Variants in CATSPERE observed in about 807,000 individuals in gnomAD.
CATSPERE encodes the protein cation channel sperm-associated auxiliary subunit epsilon.
In CATSPERE, 93 loss-of-function variants were observed where a neutral mutation model predicts 114.1. The observed-to-expected ratio is 0.81, with a 90% CI of 0.69 to 0.97. CATSPERE has a LOEUF of 0.97. Ranked by LOEUF, CATSPERE falls within the 50% of genes least tolerant of loss-of-function variation. The probability of loss-of-function intolerance (pLI) is 0.00; values close to 1 mark genes in which losing one functional copy is unlikely to be tolerated. For synonymous variants in CATSPERE, 341 were observed against 384.1 expected (o/e 0.89, Z 1.31); for missense variants, 1,058 against 1,131.6 (o/e 0.93, Z 0.93).
intron 6 of CATSPERE, among the ~76,000 whole-genome samples, chr1:244,490,962 C>G (rs181203047): frequency 1.3e-5 from 2 of 152,134 alleles, no homozygotes; most frequent in Admixed American, 1.3e-4. Flanking sequence ...CCACATAAAA[C>G]AAAAGCCTTG....
chr1:244,508,845 A>AAAAAAATT (rs1675251976), intron 7 of CATSPERE, among the ~76,000 whole-genome samples: 1 of 151,060 alleles, frequency 6.6e-6, no homozygotes, highest in Admixed American at 6.6e-5. Context: ...AAAAAAAAAA[A>AAAAAAATT]AAAAAATTAG....
intron 20 of CATSPERE, among the ~76,000 whole-genome samples, chr1:244,623,008 A>C (rs1014157858): frequency 1.3e-5 from 2 of 152,144 alleles, no homozygotes; most frequent in Non-Finnish European, 2.9e-5. Context: ...AGTCCATGCT[A>C]CTATTCTATG....
chr1:244,535,955 T>G (rs1417115406), intron 8 of CATSPERE, among the ~76,000 whole-genome samples: 4 of 151,826 alleles, frequency 2.6e-5, no homozygotes, highest in Non-Finnish European at 5.9e-5. Flanking sequence ...CTGCTGTTTA[T>G]TCAGGGCCCA....
rs140118959 is a variant in CATSPERE, at chr1:244,627,572, T to TA, written c.2649-7904dup. Among the ~76,000 whole-genome samples the TA allele has an allele frequency of 2.8e-3, 411 of 144,586 alleles. 4 individuals are homozygous for TA. Among genetic ancestry groups the TA allele is most frequent in the African/African-American group, 5.6e-3 (220 of 39,486 alleles). The allele number at this position is 144,586 out of a possible 152,430, so 94.9% of individuals were successfully genotyped here. A position where few individuals can be genotyped will look rare whatever the true frequency, so the allele number is the denominator to read the frequency against. On this transcript the variant is annotated intron_variant, in intron 20 of 21. Transcript: ENST00000366534. Reference sequence around the variant, plus strand: ...CCTGGACGACGGAGCAAGACCCTGTTAAAAAAAAAAAAATTGAAATACTGT... The same window carrying TA: ...CCTGGACGACGGAGCAAGACCCTGTTAAAAAAAAAAAAAATTGAAATACTGT...
intron 5 of CATSPERE, among the ~76,000 whole-genome samples, chr1:244,487,353 C>T (rs568557536): frequency 3.5e-4 from 53 of 152,196 alleles, no homozygotes; most frequent in African/African-American, 1.2e-3. Flanking sequence ...TCTCAATAGA[C>T]CTACACATCA....
At chr1:244,460,996 T>G (rs1006510579), upstream of CATSPERE, among the ~76,000 whole-genome samples, 1 of 152,276 alleles carries the variant, frequency 6.6e-6, no homozygotes, top group Admixed American at 6.5e-5. Flanking sequence ...GCTATTGCAG[T>G]GTCTATACGC....
intron 2 of CATSPERE, among the ~76,000 whole-genome samples, chr1:244,470,805 T>C (rs867890797): frequency 6.6e-6 from 1 of 152,206 alleles, no homozygotes; most frequent in African/African-American, 2.4e-5. Flanking sequence ...ATGTAGTATG[T>C]TTATATAATG....
At chr1:244,615,431 T>G (rs1026040731) in intron 19 of CATSPERE, among the ~76,000 whole-genome samples, 4 of 151,780 alleles carry the variant, frequency 2.6e-5, no homozygotes, top group Non-Finnish European at 5.9e-5. Context: ...AATGCTTTGT[T>G]AGGCAATTTT....
Position 244,635,491 on chromosome 1 carries a change from T to C in CATSPERE, c.2651T>C (p.Phe884Ser). The change falls in exon 21 of 22, where the codon TTC becomes TCC. Residue 884 changes from phenylalanine (F) to serine (S), a missense_variant and splice_region_variant. Phe to Ser is a radical substitution (Grantham distance 155). Around this residue, in one of 2 missense-constraint regions of CATSPERE, gnomAD observed 787 missense variants for 905.6 expected, o/e 0.87. Coordinates refer to ENST00000366534, the MANE Select transcript of CATSPERE (RefSeq NM_001130957.2). ...CATATTATTTTTCTGCTTTGCAGTTTCTGTAACCTAACAGCTATGTTTGCA... is the reference window on the plus strand; with the variant it reads ...CATATTATTTTTCTGCTTTGCAGTTCCTGTAACCTAACAGCTATGTTTGCA... ...RVKILDPNYSFCNLTAMFAIE... is the reference protein window; with the variant it reads ...RVKILDPNYSSCNLTAMFAIE... The C allele has an allele frequency of 6.2e-7, 1 of 1,611,330 alleles. No individual in the cohort carries two copies. Among genetic ancestry groups the C allele is most frequent in the Non-Finnish European group, 8.5e-7 (1 of 1,177,566 alleles).
chr1:244,507,090 T>C (rs1259683981), intron 7 of CATSPERE, among the ~76,000 whole-genome samples: 1 of 151,608 alleles, frequency 6.6e-6, no homozygotes, highest in African/African-American at 2.4e-5. Flanking sequence ...GTTTTCATTC[T>C]TTTTTTTTAT....
At chr1:244,569,229 G>GC (rs1441482113) in intron 10 of CATSPERE, among the ~76,000 whole-genome samples, 1 of 152,164 alleles carries the variant, frequency 6.6e-6, no homozygotes, top group Non-Finnish European at 1.5e-5. Context: ...GTGAGACGAC[G>GC]CCCCACCCTG....
intron 1 of CATSPERE, among the ~76,000 whole-genome samples, chr1:244,455,140 G>T (rs1174269653): frequency 6.6e-6 from 1 of 152,170 alleles, no homozygotes; most frequent in Non-Finnish European, 1.5e-5. Flanking sequence ...GTGTAACTCA[G>T]TAGCTAAGGT....
intron 7 of CATSPERE, among the ~76,000 whole-genome samples, chr1:244,509,509 G>A (rs1675357772): frequency 6.6e-6 from 1 of 152,066 alleles, no homozygotes; most frequent in African/African-American, 2.4e-5. Context: ...TTGCATCTCT[G>A]TCATCAGGGA....
In CATSPERE at chr1:244,605,713, T is replaced by C. The variant is rs1192499466; in HGVS notation, c.2322T>C (p.Tyr774=). Reference sequence around the variant, plus strand: ...CTTTCAGATTTGATGATAATGGCTATGTTAAAGACGTTGAAGCAAATTTCA... The same window carrying C: ...CTTTCAGATTTGATGATAATGGCTACGTTAAAGACGTTGAAGCAAATTTCA... The part of the protein sequence containing the change: ...PVVQLFDDNG[Y]VKDVEANFIV... Residue 774 remains tyrosine, a synonymous_variant, in exon 18 of 22, where the codon TAT becomes TAC. Coordinates refer to ENST00000366534, the MANE Select transcript of CATSPERE (RefSeq NM_001130957.2). 2 of 1,610,844 alleles carry C rather than the reference T, an allele frequency of 1.2e-6. No homozygotes were observed. Among genetic ancestry groups the C allele is most frequent in the Admixed American group, 1.7e-5 (1 of 59,966 alleles).
intron 8 of CATSPERE, among the ~76,000 whole-genome samples, chr1:244,520,348 T>G (rs1677320379): frequency 6.6e-6 from 1 of 152,212 alleles, no homozygotes; most frequent in Admixed American, 6.5e-5. Context: ...GATTCTTTTC[T>G]TTCTGGAGAT....
rs557439882 is a variant in CATSPERE at position 244,631,231 on chromosome 1, G to A, written c.2649-4258G>A. Among the ~76,000 whole-genome samples, 13 of 152,190 alleles carry A rather than the reference G, an allele frequency of 8.5e-5. No homozygotes were observed. The South Asian group carries it at 2.7e-3, about 32-fold the overall frequency. On this transcript the variant is annotated intron_variant, in intron 20 of 21. Coordinates refer to ENST00000366534, the MANE Select transcript of CATSPERE (RefSeq NM_001130957.2). ...TACCAGCTACTCAGGAGGCTGATGGGGAGGATCATTTGAGCCCAGCACTTC... is the reference window on the plus strand; with the variant it reads ...TACCAGCTACTCAGGAGGCTGATGGAGAGGATCATTTGAGCCCAGCACTTC...
chr1:244,621,047 T>TAA (rs1558608529), intron 20 of CATSPERE, among the ~76,000 whole-genome samples: 33 of 66,506 alleles, frequency 5.0e-4, no homozygotes, highest in East Asian at 2.7e-3. Flanking sequence ...AAAATATATA[T>TAA]ATAAATATAT....
chr1:244,544,258 A>C (rs1002643560), intron 8 of CATSPERE, among the ~76,000 whole-genome samples: 37 of 152,252 alleles, frequency 2.4e-4, no homozygotes, highest in Admixed American at 5.9e-4. Flanking sequence ...GTAACTGTAC[A>C]TTGGGGAAAA....
At chr1:244,455,255 G>A (rs889540758) in intron 1 of CATSPERE, among the ~76,000 whole-genome samples, 5 of 151,930 alleles carry the variant, frequency 3.3e-5, no homozygotes, top group East Asian at 1.9e-4. Flanking sequence ...AGGTTCCCGC[G>A]TCCCCCCGCT....
Sources: allele counts gnomAD v4.1 joint callset (sites outside exome capture counted in the v4.1 genomes callset), GRCh38; gene constraint gnomAD v4.1.1; regional missense constraint gnomAD v4.1.1; transcripts MANE v1.5; gene names NCBI Gene and HGNC (gene_info 2026-07-23, HGNC 2026-07-21).